The following MCF2L2 variants were observed in gnomAD, a reference collection of about 807,000 sequenced individuals.
The protein encoded by MCF2L2 is MCF.2 cell line derived transforming sequence-like 2, also known as probable guanine nucleotide exchange factor MCF2L2.
In MCF2L2, 102 loss-of-function variants were observed where a neutral mutation model predicts 150.2. That is an observed-to-expected ratio of 0.68 (90% CI 0.58 to 0.80). The LOEUF (loss-of-function observed/expected upper bound fraction) is 0.80, where lower values mean the gene tolerates loss of function less well. MCF2L2 is among the 30% of genes least tolerant of loss of function. MCF2L2 has a pLI of 0.00. For synonymous variants in MCF2L2, 465 were observed against 491.3 expected (o/e 0.95, Z 0.71); for missense variants, 1,256 against 1,372.8 (o/e 0.91, Z 1.34).
chr3:183,394,767 CTT>C (rs907013362), intron 1 of MCF2L2, among the ~76,000 whole-genome samples: 10 of 152,274 alleles, frequency 6.6e-5, no homozygotes, highest in Middle Eastern at 3.4e-3. Flanking sequence ...ACAAATGAAA[CTT>C]AAACAGCAAC....
intron 1 of MCF2L2, among the ~76,000 whole-genome samples, chr3:183,423,904 G>A (rs1274524765): frequency 6.6e-6 from 1 of 150,506 alleles, no homozygotes; most frequent in African/African-American, 2.4e-5. Flanking sequence ...TTACAGGTGT[G>A]AGCCACTGCG....
At chr3:183,248,531 G>A (rs956046158) in intron 15 of MCF2L2, among the ~76,000 whole-genome samples, 2 of 152,104 alleles carry the variant, frequency 1.3e-5, no homozygotes, top group African/African-American at 4.8e-5. Context: ...TTTAAAAATG[G>A]GAAATAGAAA....
At chr3:183,353,204 T>C (rs986317908) in intron 3 of MCF2L2, among the ~76,000 whole-genome samples, 3 of 152,112 alleles carry the variant, frequency 2.0e-5, no homozygotes, top group South Asian at 2.1e-4. Flanking sequence ...GAATAAACAA[T>C]GTAGAGTTAT....
At chr3:183,338,383 G>A (rs1577073502) in intron 5 of MCF2L2, among the ~76,000 whole-genome samples, 1 of 149,828 alleles carries the variant, frequency 6.7e-6, no homozygotes, top group African/African-American at 2.5e-5. Flanking sequence ...AGAGGCGAAG[G>A]TTGTGGTGAG....
intron 15 of MCF2L2, among the ~76,000 whole-genome samples, chr3:183,274,978 T>TA (rs1441545421): frequency 6.6e-6 from 1 of 151,634 alleles, no homozygotes; most frequent in Admixed American, 6.6e-5. Context: ...TTTTTTTTTT[T>TA]ATCACTGCCA....
At chr3:183,300,262 G>T in intron 10 of MCF2L2, 66 bp from the exon 11 acceptor site, 1 of 1,395,910 alleles carries the variant, frequency 7.2e-7, no homozygotes, top group Non-Finnish European at 9.6e-7. Flanking sequence ...GAGCTGCCTG[G>T]TACTGTGTGC....
chr3:183,322,452 C>T (rs1398110855), intron 6 of MCF2L2, among the ~76,000 whole-genome samples: 1 of 152,034 alleles, frequency 6.6e-6, no homozygotes, highest in Non-Finnish European at 1.5e-5. Context: ...GTTAACTTTC[C>T]CCACTAAGTT....
At chr3:183,355,042 T>C (rs370074205) in intron 3 of MCF2L2, among the ~76,000 whole-genome samples, 3 of 150,946 alleles carry the variant, frequency 2.0e-5, no homozygotes, top group Admixed American at 1.3e-4. Context: ...AAAATGCTTC[T>C]ATTTATTTTA....
At chr3:183,338,134 A>G (rs1487882777) in intron 5 of MCF2L2, among the ~76,000 whole-genome samples, 2 of 152,050 alleles carry the variant, frequency 1.3e-5, no homozygotes, top group African/African-American at 4.8e-5. Context: ...TAATTTTACC[A>G]TGTCACTTCC....
intron 3 of MCF2L2, chr3:183,373,428 A>T (rs1359264319): frequency 1.3e-5 from 2 of 152,260 alleles, no homozygotes; most frequent in Non-Finnish European, 2.9e-5. Context: ...GGAAAGAAAT[A>T]CAGAACTGTG....
In MCF2L2 at chr3:183,418,343, T is replaced by G. The variant is rs377626388; in HGVS notation, c.76+9559A>C. The stretch of plus-strand genomic sequence containing the variant: ...ACTCCAATTCAAGATGAGATTTGGA[T>G]AGGAACACAGAGCCAAACCATATTA... On this transcript the variant is annotated intron_variant, in intron 1 of 29. Transcript: ENST00000328913. 7.9e-4 allele frequency among the ~76,000 whole-genome samples: 120 copies of G among 152,286 alleles called. 1 individual carries two copies. The Middle Eastern group carries it at 0.037, about 47-fold the overall frequency.
intron 14 of MCF2L2, 137 bp from the exon 15 acceptor site, chr3:183,277,094 T>G (rs1472296274): frequency 4.8e-6 from 3 of 623,640 alleles, no homozygotes; most frequent in Non-Finnish European, 8.5e-6. Flanking sequence ...TCATGCCGCT[T>G]TCTCAGGTTT....
rs372947387 is a variant in MCF2L2 at position 183,195,209 on chromosome 3, A to G, written c.2918+13T>C. On this transcript the variant is annotated intron_variant, in intron 26 of 29. Transcript: ENST00000328913. ...ATTTGACATGCCTTTAAAATAAAAAAATCAGTACTCACCTCGTGCTCATTT... is the reference window on the plus strand; with the variant it reads ...ATTTGACATGCCTTTAAAATAAAAAGATCAGTACTCACCTCGTGCTCATTT... 6.4e-5 allele frequency: 102 copies of G among 1,595,302 alleles called. No individual in the cohort carries two copies. The highest frequency in any genetic ancestry group is 8.4e-5 in the Non-Finnish European group (99 of 1,173,254).
intron 1 of MCF2L2, among the ~76,000 whole-genome samples, chr3:183,395,640 G>A (rs73062768): frequency 0.027 from 4,041 of 152,070 alleles, 179 homozygotes; most frequent in African/African-American, 0.092. Context: ...AATATTCGGC[G>A]GGGTGCAGTG....
Position 183,226,416 on chromosome 3 carries a change from C to G in MCF2L2, c.2115+1881G>C, listed in dbSNP as rs2108666126. On this transcript the variant is annotated intron_variant, in intron 18 of 29. Transcript: ENST00000328913. ...CGAGATCACGCCACAGCACTCCAGC[C>G]TGGTGACAGAGCGAGACTCCGTCTC... is the stretch of plus-strand genomic sequence containing the variant. 2 of 152,094 alleles carry G rather than the reference C, an allele frequency of 1.3e-5. 1 individual carries two copies. Among genetic ancestry groups the G allele is most frequent in the South Asian group, 4.2e-4 (2 of 4,806 alleles). 9.4% of individuals were successfully genotyped at this position (152,094 alleles called of 1,614,324 possible). A position where few individuals can be genotyped will look rare whatever the true frequency, so the allele number is the denominator to read the frequency against.
Position 183,247,922 on chromosome 3 carries a change from T to C in MCF2L2, c.1863-16905A>G, listed in dbSNP as rs2049280. On this transcript the variant is annotated intron_variant, in intron 15 of 29. Transcript: ENST00000328913. ...GATACTGAGGGTCAACTGTACCAAGTTGAAAACAAAACAAAAGGAAATCTA... is the reference window on the plus strand; with the variant it reads ...GATACTGAGGGTCAACTGTACCAAGCTGAAAACAAAACAAAAGGAAATCTA... Among the ~76,000 whole-genome samples, 965 of 152,246 alleles carry C rather than the reference T, an allele frequency of 6.3e-3. 28 individuals carry two copies. Among genetic ancestry groups the C allele is most frequent in the Admixed American group, 0.047 (718 of 15,292 alleles).
intron 15 of MCF2L2, chr3:183,265,923 C>T (rs1410653596): frequency 6.6e-6 from 1 of 152,106 alleles, no homozygotes; most frequent in Non-Finnish European, 1.5e-5. Context: ...AAATAAGTAG[C>T]GTGGGATGTT....
intron 15 of MCF2L2, among the ~76,000 whole-genome samples, chr3:183,241,049 T>G (rs1724001639): frequency 6.6e-6 from 1 of 151,892 alleles, no homozygotes; most frequent in Non-Finnish European, 1.5e-5. Flanking sequence ...ATGGAAGAGA[T>G]AAAAAAAATC....
intron 15 of MCF2L2, chr3:183,273,509 C>G (rs954136810): frequency 6.6e-6 from 1 of 152,438 alleles, no homozygotes; most frequent in African/African-American, 2.4e-5. Context: ...CATTATAGAG[C>G]CACCTAAGAT....
Sources: allele counts gnomAD v4.1 joint callset (sites outside exome capture counted in the v4.1 genomes callset), GRCh38; gene constraint gnomAD v4.1.1; transcripts MANE v1.5; gene names NCBI Gene and HGNC (gene_info 2026-07-23, HGNC 2026-07-21).